The following INPP5A variants were observed in gnomAD, a reference collection of about 807,000 sequenced individuals.
INPP5A encodes the protein inositol polyphosphate-5-phosphatase A.
INPP5A carries 14 observed loss-of-function variants against 65.2 expected under a neutral mutation model. The ratio of observed to expected loss-of-function variants is 0.21; its 90% CI spans 0.14 to 0.34. The LOEUF (loss-of-function observed/expected upper bound fraction) is 0.34, where lower values mean the gene tolerates loss of function less well. Ranked by LOEUF, INPP5A falls within the 10% of genes least tolerant of loss-of-function variation. The pLI, the probability that INPP5A is intolerant of heterozygous loss-of-function variation, is 1.00. For missense variants in INPP5A, 431 were observed against 545.6 expected (o/e 0.79, Z 2.09); for synonymous variants, 207 against 208.3 (o/e 0.99, Z 0.05).
chr10:132,669,532 G>A (rs754174393), intron 4 of INPP5A, among the ~76,000 whole-genome samples: 19 of 152,226 alleles, frequency 1.2e-4, no homozygotes, highest in Non-Finnish European at 2.6e-4. Flanking sequence ...AGGAGGCCCC[G>A]TGTTCTCCTG....
chr10:132,670,937 G>A (rs973964993), intron 4 of INPP5A, among the ~76,000 whole-genome samples: 6 of 151,610 alleles, frequency 4.0e-5, no homozygotes, highest in Non-Finnish European at 7.4e-5. Flanking sequence ...CGGCGGTGAC[G>A]GCTTGACGGG....
In INPP5A at chr10:132,538,299, C is replaced by G. The variant is rs973613432; in HGVS notation, c.75+128C>G. The G allele has an allele frequency of 1.8e-5, 7 of 396,082 alleles. No homozygotes were observed. The highest frequency in any genetic ancestry group is 1.1e-4 in the South Asian group (1 of 8,854). The allele number at this position is 396,082 out of a possible 1,614,324, so 24.5% of individuals were successfully genotyped here. ...ACCCAGAGGCCCCAGACTCTGATCC[C>G]TGTACCCGGGACCCCAGACTCCTGT... On this transcript the variant is annotated intron_variant, in intron 1 of 15. Transcript: ENST00000368594. This position sits in a 1 kb window ranked among gnomAD's most constrained non-coding sequence, Gnocchi z 4.1.
chr10:132,728,889 G>C (rs954730707), intron 9 of INPP5A, among the ~76,000 whole-genome samples: 4 of 152,222 alleles, frequency 2.6e-5, no homozygotes, highest in African/African-American at 9.6e-5. Context: ...TGACCACAAG[G>C]CGTCGGGGGC....
At chr10:132,652,903 C>A (rs1317206940) in intron 4 of INPP5A, among the ~76,000 whole-genome samples, 1 of 152,184 alleles carries the variant, frequency 6.6e-6, no homozygotes, top group African/African-American at 2.4e-5. Flanking sequence ...TATCAGAGCT[C>A]ACTTAGACGC....
chr10:132,628,477 G>A (rs950405854), intron 2 of INPP5A, among the ~76,000 whole-genome samples: 2 of 150,086 alleles, frequency 1.3e-5, no homozygotes, highest in Admixed American at 6.6e-5. Context: ...GGGGGGGGGG[G>A]GCGTGGCGTG....
intron 1 of INPP5A, among the ~76,000 whole-genome samples, chr10:132,597,147 A>G (rs1375682363): frequency 1.3e-5 from 2 of 150,930 alleles, no homozygotes; most frequent in Non-Finnish European, 3.0e-5. Flanking sequence ...GTGTGCATGC[A>G]TGTGTGTGAG....
intron 2 of INPP5A, among the ~76,000 whole-genome samples, chr10:132,631,242 G>A (rs1413944665): frequency 6.6e-6 from 1 of 152,202 alleles, no homozygotes; most frequent in Non-Finnish European, 1.5e-5. Context: ...TGCCCTGGCC[G>A]GTCCCATCGG....
intron 1 of INPP5A, among the ~76,000 whole-genome samples, chr10:132,572,977 T>G (rs1345732625): frequency 5.3e-5 from 8 of 151,850 alleles, no homozygotes; most frequent in East Asian, 2.0e-4. Context: ...ACGTGCCGTG[T>G]GAGGTTTTGT....
At chr10:132,736,595 C>T (rs1846181189) in intron 9 of INPP5A, among the ~76,000 whole-genome samples, 2 of 152,304 alleles carry the variant, frequency 1.3e-5, no homozygotes, top group African/African-American at 2.4e-5. Context: ...CCACTGCCCG[C>T]GAGGCAGGAT....
chr10:132,780,890 G>A lies in INPP5A; in HGVS notation c.1131G>A (p.Gly377=). The A allele has an allele frequency of 3.2e-6, 5 of 1,575,228 alleles. No homozygotes were observed. The highest frequency in any genetic ancestry group is 4.3e-6 in the Non-Finnish European group (5 of 1,157,154). The change falls in exon 14 of 16, where the codon GGG becomes GGA. Residue 377 remains glycine, a synonymous_variant. Transcript: ENST00000368594. ...AGGTTGTCACCTATGACCACATTGGGCCCAACGTCTGCATGGGAGACCACA... is the reference window on the plus strand; with the variant it reads ...AGGTTGTCACCTATGACCACATTGGACCCAACGTCTGCATGGGAGACCACA... The part of the protein sequence containing the change: ...EEKVVTYDHI[G]PNVCMGDHKP...
At chr10:132,757,396 C>T (rs184171998) in intron 11 of INPP5A, among the ~76,000 whole-genome samples, 4 of 152,356 alleles carry the variant, frequency 2.6e-5, no homozygotes, top group African/African-American at 9.6e-5. Context: ...TCCCTCTCTA[C>T]GTTTAGGTAT....
chr10:132,643,166 T>A (rs1345925599), intron 2 of INPP5A, among the ~76,000 whole-genome samples: 1 of 152,214 alleles, frequency 6.6e-6, no homozygotes, highest in African/African-American at 2.4e-5. Flanking sequence ...CATAGAGGTA[T>A]GGTTTAATCA....
chr10:132,755,681 G>A lies in INPP5A; in HGVS notation c.903+5836G>A, dbSNP rs758699210. 5.3e-5 allele frequency among the ~76,000 whole-genome samples: 8 copies of A among 152,012 alleles called. No individual in the cohort carries two copies. The South Asian group carries it at 6.2e-4, about 12-fold the overall frequency. On this transcript the variant is annotated intron_variant, in intron 11 of 15. Transcript: ENST00000368594. ...GTGAGCAGGTGTGTGCATGTGAGTG[G>A]GTGTGTGTGGGGGGTGGTTTGCTTT...
chr10:132,685,871 T>C (rs903923800), intron 4 of INPP5A, among the ~76,000 whole-genome samples: 4 of 152,260 alleles, frequency 2.6e-5, no homozygotes, highest in African/African-American at 9.6e-5. Context: ...GAAATCAAGC[T>C]AAGTGACACG....
At chr10:132,635,446 A>AGCACTGCAGTGCAGGCAG in intron 2 of INPP5A, among the ~76,000 whole-genome samples, 2 of 110,952 alleles carry the variant, frequency 1.8e-5, no homozygotes, top group Admixed American at 2.8e-4. Context: ...CCCAGGCTGG[A>AGCACTGCAGTGCAGGCAG]GTGCAGTGGC....
At chr10:132,733,043 G>A (rs1158671134) in intron 9 of INPP5A, among the ~76,000 whole-genome samples, 1 of 152,142 alleles carries the variant, frequency 6.6e-6, no homozygotes, top group African/African-American at 2.4e-5. Context: ...GAGGCTCCAG[G>A]GGGGACCCCT....
At position 132,616,464 on chromosome 10, in the gene INPP5A, T is replaced by C; in HGVS notation, c.117+8508T>C. Among the ~76,000 whole-genome samples the C allele has an allele frequency of 6.6e-6, 1 of 151,694 alleles. No homozygotes were observed. The stretch of plus-strand genomic sequence containing the variant: ...TTGGGAACATGGTGGTGACGCAGGA[T>C]GTGGTGGTGGTGTAGAATGTGGTGC... On this transcript the variant is annotated intron_variant, in intron 2 of 15. Coordinates refer to ENST00000368594, the MANE Select transcript of INPP5A (RefSeq NM_005539.5). This position sits in a 1 kb window ranked among gnomAD's most constrained non-coding sequence, Gnocchi z 4.9.
At chr10:132,688,443 T>C (rs1411324648) in intron 4 of INPP5A, among the ~76,000 whole-genome samples, 1 of 152,086 alleles carries the variant, frequency 6.6e-6, no homozygotes, top group African/African-American at 2.4e-5. Context: ...TGGAATTAGG[T>C]GATGTTCAGG....
At chr10:132,629,286 T>G (rs2072233576) in intron 2 of INPP5A, among the ~76,000 whole-genome samples, 2 of 152,136 alleles carry the variant, frequency 1.3e-5, no homozygotes, top group Admixed American at 6.5e-5. Context: ...AAACACAGAC[T>G]CCACGTGAGG....
Sources: gnomAD v4.1 joint callset for allele counts (sites outside exome capture counted in the v4.1 genomes callset) on GRCh38, gnomAD v4.1.1 for gene constraint, Gnocchi (gnomAD v3.1) non-coding constraint, MANE v1.5 for transcripts, NCBI Gene and HGNC (gene_info 2026-07-23, HGNC 2026-07-21) for gene names.